PDE8B: variants seen among roughly 807,000 people sequenced by gnomAD.
PDE8B encodes the protein high affinity cAMP-specific and IBMX-insensitive 3',5'-cyclic phosphodiesterase 8B.
Under a neutral mutation model 101.3 loss-of-function variants are expected in PDE8B, and 26 were observed. The ratio of observed to expected loss-of-function variants is 0.26; its 90% CI spans 0.19 to 0.36. The LOEUF (loss-of-function observed/expected upper bound fraction) is 0.36, where lower values mean the gene tolerates loss of function less well. Ranked by LOEUF, PDE8B falls within the 10% of genes least tolerant of loss-of-function variation. The pLI is 1.00. For missense variants in PDE8B, 810 were observed against 1,163.1 expected (o/e 0.70, Z 4.42); for synonymous variants, 424 against 429.3 (o/e 0.99, Z 0.15).
chr5:77,379,932 G>A (rs1358655763), intron 10 of PDE8B, among the ~76,000 whole-genome samples: 1 of 152,180 alleles, frequency 6.6e-6, no homozygotes, highest in Admixed American at 6.5e-5. Context: ...CCAGCATTCA[G>A]ACTCCAATTC....
chr5:77,105,586 T>C, the PDE8B span: 1 of 152,216 alleles, frequency 6.6e-6, no homozygotes, highest in Admixed American at 6.5e-5. Flanking sequence ...GGAGCATCTG[T>C]ATATTAAAAA....
chr5:77,334,543 G>A (rs1447978763), intron 5 of PDE8B, among the ~76,000 whole-genome samples: 3 of 152,228 alleles, frequency 2.0e-5, no homozygotes, highest in Admixed American at 2.0e-4. Flanking sequence ...GGGCACAACT[G>A]TAGGACACAG....
chr5:77,342,253 C>T lies in PDE8B; in HGVS notation c.798-2600C>T, dbSNP rs900667379. ...CATGTGTTGTATTCTCATATTGTCC[C>T]AAGCACTTCGAGAAATGCCTCACAT... On this transcript the variant is annotated intron_variant, in intron 6 of 21. Coordinates refer to ENST00000264917, the MANE Select transcript of PDE8B (RefSeq NM_003719.5). 5.9e-5 allele frequency among the ~76,000 whole-genome samples: 9 copies of T among 152,236 alleles called. No individual in the cohort carries two copies. In the East Asian group the frequency reaches 1.7e-3, roughly 29 times the overall value.
rs578250306 is a variant in PDE8B at position 77,391,340 on chromosome 5, A to T, written c.1168-8908A>T. 2.0e-5 allele frequency among the ~76,000 whole-genome samples: 3 copies of T among 152,314 alleles called. No individual in the cohort carries two copies. In the South Asian group the frequency reaches 6.2e-4, roughly 32 times the overall value. On this transcript the variant is annotated intron_variant, in intron 10 of 21. Transcript: ENST00000264917. ...ACTGCTCTCGGCACAGAGCATCATT[A>T]AGTCGGTCCCACAATAGGGTTCCTG...
At chr5:77,229,617 CT>C (rs1417426983) in intron 1 of PDE8B, among the ~76,000 whole-genome samples, 1 of 152,330 alleles carries the variant, frequency 6.6e-6, no homozygotes, top group African/African-American at 2.4e-5. Flanking sequence ...ACTCCTACCC[CT>C]GGCAACCATT....
intron 1 of PDE8B, among the ~76,000 whole-genome samples, chr5:77,281,751 C>G (rs958437156): frequency 2.0e-5 from 3 of 152,178 alleles, no homozygotes; most frequent in African/African-American, 4.8e-5. Flanking sequence ...TTCATAAGTT[C>G]CAGGGATCAG....
intron 10 of PDE8B, among the ~76,000 whole-genome samples, chr5:77,388,044 T>G (rs1424999934): frequency 6.6e-6 from 1 of 152,176 alleles, no homozygotes; most frequent in Non-Finnish European, 1.5e-5. Context: ...TCGGAGGAGT[T>G]TGTTATTACC....
intron 10 of PDE8B, among the ~76,000 whole-genome samples, chr5:77,377,307 G>C (rs76215046): frequency 0.077 from 11,794 of 152,214 alleles, 764 homozygotes; most frequent in African/African-American, 0.17. Context: ...GGCCCCATTA[G>C]GCTAGGCTCG....
chr5:77,096,981 T>A, the PDE8B span, among the ~76,000 whole-genome samples: 1 of 152,330 alleles, frequency 6.6e-6, no homozygotes, highest in Non-Finnish European at 1.5e-5. Context: ...CACCTACAAG[T>A]GTCACATGGT....
chr5:77,205,371 C>T, the PDE8B span, among the ~76,000 whole-genome samples: 21 of 152,300 alleles, frequency 1.4e-4, no homozygotes, highest in South Asian at 2.1e-4. Context: ...GAGCTGTCTC[C>T]GTAAACTCAC....
At chr5:77,093,708 G>A in the PDE8B span, among the ~76,000 whole-genome samples, 1 of 152,188 alleles carries the variant, frequency 6.6e-6, no homozygotes, top group Non-Finnish European at 1.5e-5. Flanking sequence ...AAGGCACCTT[G>A]TAGGAAACAG....
chr5:77,245,191 G>T (rs1466781877), intron 1 of PDE8B, among the ~76,000 whole-genome samples: 1 of 152,192 alleles, frequency 6.6e-6, no homozygotes. Flanking sequence ...GGCTTTGCAT[G>T]ATTTTAGCTA....
chr5:77,088,076 C>G, the PDE8B span: 1 of 152,284 alleles, frequency 6.6e-6, no homozygotes, highest in African/African-American at 2.4e-5. Flanking sequence ...CAGGAGAGTT[C>G]CCTGATTTCC....
intron 1 of PDE8B, among the ~76,000 whole-genome samples, chr5:77,280,113 T>C (rs939334381): frequency 6.6e-6 from 1 of 152,324 alleles, no homozygotes; most frequent in African/African-American, 2.4e-5. Flanking sequence ...AAAGTAGTCA[T>C]GAGGAAAGGC....
intron 11 of PDE8B, among the ~76,000 whole-genome samples, 197 bp downstream of exon 11, chr5:77,400,487 A>G (rs536469155): frequency 6.6e-6 from 1 of 152,314 alleles, no homozygotes; most frequent in South Asian, 2.1e-4. Flanking sequence ...ATCTTCCTTT[A>G]TGGCAACCTT....
At chr5:77,145,893 G>C in the PDE8B span, 1 of 152,166 alleles carries the variant, frequency 6.6e-6, no homozygotes, top group Non-Finnish European at 1.5e-5. Context: ...ATGACTCAGA[G>C]GGTGGAACCA....
intron 1 of PDE8B, among the ~76,000 whole-genome samples, chr5:77,216,466 G>A (rs893431851): frequency 6.6e-5 from 10 of 152,142 alleles, no homozygotes; most frequent in South Asian, 2.1e-4. Flanking sequence ...ATCAGATCTC[G>A]TGAGACTTAT....
chr5:77,233,801 T>G (rs961406512), intron 1 of PDE8B, among the ~76,000 whole-genome samples: 3 of 151,462 alleles, frequency 2.0e-5, no homozygotes, highest in Non-Finnish European at 2.9e-5. Flanking sequence ...TGTTTGAGTT[T>G]TTTTTTTTTT....
rs750020143 is a variant in PDE8B at position 77,349,579 on chromosome 5, C to A, written c.1017+20C>A. 2.5e-6 allele frequency: 4 copies of A among 1,613,952 alleles called. No homozygotes were observed. The highest frequency in any genetic ancestry group is 2.5e-6 in the Non-Finnish European group (3 of 1,179,836). Reference sequence around the variant, plus strand: ...GGAAAGGTGGGTTACACCAGCAAAACCAATCCACGAACCCTCTCCCCAATG... The same window carrying A: ...GGAAAGGTGGGTTACACCAGCAAAAACAATCCACGAACCCTCTCCCCAATG... On this transcript the variant is annotated intron_variant, in intron 8 of 21. Transcript: ENST00000264917.
Sources: gnomAD v4.1 joint callset for allele counts (sites outside exome capture counted in the v4.1 genomes callset) on GRCh38, gnomAD v4.1.1 for gene constraint, MANE v1.5 for transcripts, NCBI Gene and HGNC (gene_info 2026-07-23, HGNC 2026-07-21) for gene names.